PPP2R2C: variants seen among roughly 807,000 people sequenced by gnomAD.
PPP2R2C encodes the protein protein phosphatase 2, regulatory subunit B, gamma.
In PPP2R2C, 10 loss-of-function variants were observed where a neutral mutation model predicts 45.3. That is an observed-to-expected ratio of 0.22 (90% CI 0.14 to 0.37). PPP2R2C has a LOEUF of 0.37. PPP2R2C is among the 10% of genes least tolerant of loss of function. The pLI is 1.00. For synonymous variants in PPP2R2C, 257 were observed against 245.4 expected, an observed-to-expected ratio of 1.05 and a Z score of -0.44; for missense variants, 308 against 619.7, an observed-to-expected ratio of 0.50 and a Z score of 5.34.
chr4:6,346,560 T>C (rs920029409), intron 6 of PPP2R2C, among the ~76,000 whole-genome samples: 1 of 152,150 alleles, frequency 6.6e-6, no homozygotes, highest in African/African-American at 2.4e-5. Context: ...ACGGTGGGCC[T>C]CTGCTGCACA....
chr4:6,483,691 C>T (rs1480577291), intron 2 of PPP2R2C, among the ~76,000 whole-genome samples: 1 of 152,082 alleles, frequency 6.6e-6, no homozygotes, highest in African/African-American at 2.4e-5. Flanking sequence ...ATTTATCAGA[C>T]ACGTGCTTTA....
At chr4:6,343,923 T>C (rs547762393) in intron 6 of PPP2R2C, among the ~76,000 whole-genome samples, 53 of 152,362 alleles carry the variant, frequency 3.5e-4, no homozygotes, top group African/African-American at 1.3e-3. Context: ...CCTATGACTG[T>C]GTGTGCAAAA....
intron 1 of PPP2R2C, among the ~76,000 whole-genome samples, chr4:6,405,917 T>C (rs1669403785): frequency 6.6e-6 from 1 of 152,212 alleles, no homozygotes; most frequent in South Asian, 2.1e-4. Flanking sequence ...GGCATTTGGC[T>C]CGATACTTTG....
chr4:6,397,162 G>A (rs16838719), intron 1 of PPP2R2C, among the ~76,000 whole-genome samples: 5,075 of 152,280 alleles, frequency 0.033, 275 homozygotes, highest in African/African-American at 0.11. Flanking sequence ...TGTAAGAGAA[G>A]CGTGGCCCTT....
intron 6 of PPP2R2C, 57 bp downstream of exon 6, chr4:6,347,789 T>TGCCCC: frequency 7.7e-6 from 8 of 1,033,614 alleles, no homozygotes; most frequent in South Asian, 1.4e-5. Flanking sequence ...GGACAGGACA[T>TGCCCC]CCCACCCGCC....
intron 1 of PPP2R2C, among the ~76,000 whole-genome samples, chr4:6,440,166 G>A (rs773334023): frequency 6.6e-6 from 1 of 152,172 alleles, no homozygotes; most frequent in Non-Finnish European, 1.5e-5. Flanking sequence ...TGACCATAGG[G>A]ACCAAGCCAT....
At position 6,329,394 on chromosome 4, in the gene PPP2R2C, G is replaced by A. The variant is rs373967679; in HGVS notation, c.961-41C>T. The A allele has an allele frequency of 2.2e-4, 334 of 1,542,012 alleles. No individual in the cohort carries two copies. Among genetic ancestry groups the A allele is most frequent in the Non-Finnish European group, 2.8e-4 (314 of 1,115,560 alleles). On this transcript the variant is annotated intron_variant, in intron 7 of 8. Coordinates refer to ENST00000382599, the MANE Select transcript of PPP2R2C (RefSeq NM_020416.4). The surrounding 1 kb of genome is among the most constrained non-coding windows in gnomAD (Gnocchi z 5.8). ...ATGAGGTGAGTGGACGGGGCGTCCC[G>A]ACCATCCTGGCCCTTCCACAAGAAG...
chr4:6,403,754 T>G (rs1001558666), intron 1 of PPP2R2C, among the ~76,000 whole-genome samples: 1 of 151,570 alleles, frequency 6.6e-6, no homozygotes, highest in Non-Finnish European at 1.5e-5. Context: ...TCCCAGCTAC[T>G]CAGGAGGCTG....
At chr4:6,420,498 G>A (rs1553897063) in intron 1 of PPP2R2C, among the ~76,000 whole-genome samples, 1 of 152,140 alleles carries the variant, frequency 6.6e-6, no homozygotes, top group Non-Finnish European at 1.5e-5. Flanking sequence ...CCCGCCTTGC[G>A]AGTCCGGAGG....
chr4:6,431,594 C>A (rs550580148), intron 1 of PPP2R2C, among the ~76,000 whole-genome samples: 4 of 152,214 alleles, frequency 2.6e-5, no homozygotes, highest in African/African-American at 4.8e-5. Flanking sequence ...CAGAGCCCCC[C>A]CTTCCCTGGC....
chr4:6,431,750 C>T (rs1280972594), intron 1 of PPP2R2C, among the ~76,000 whole-genome samples: 3 of 152,226 alleles, frequency 2.0e-5, no homozygotes, highest in African/African-American at 7.2e-5. Context: ...GACCCCAACC[C>T]TGCCTCTGAT....
At chr4:6,370,922 G>T (rs1714766226) in intron 5 of PPP2R2C, among the ~76,000 whole-genome samples, 1 of 152,180 alleles carries the variant, frequency 6.6e-6, no homozygotes, top group South Asian at 2.1e-4. Context: ...AGCAGCTCAG[G>T]TCCCAATCCT....
chr4:6,450,520 T>G (rs1306386771), intron 1 of PPP2R2C, among the ~76,000 whole-genome samples: 2 of 149,752 alleles, frequency 1.3e-5, no homozygotes, highest in East Asian at 2.0e-4. Context: ...GCTCGGGGGG[T>G]TCCAGCCCCG....
chr4:6,554,862 AAAAAAAAAAAAG>A (rs1725311372), intron 1 of PPP2R2C, among the ~76,000 whole-genome samples: 1 of 149,230 alleles, frequency 6.7e-6, no homozygotes, highest in Non-Finnish European at 1.5e-5. Flanking sequence ...TCCATCTCAA[AAAAAAAAAAAAG>A]AAAAAGAAAA....
At chr4:6,486,047 A>G (rs150580438) in intron 2 of PPP2R2C, among the ~76,000 whole-genome samples, 208 of 152,132 alleles carry the variant, frequency 1.4e-3, no homozygotes, top group African/African-American at 4.8e-3. Context: ...CCCTCTAAGT[A>G]TGGTTTTAGC....
At chr4:6,383,141 T>C in intron 1 of PPP2R2C, 6 of 1,151,886 alleles carry the variant, frequency 5.2e-6, no homozygotes, top group Non-Finnish European at 6.5e-6. Flanking sequence ...GTACTGGGGG[T>C]TGCCATCAAC....
intron 1 of PPP2R2C, among the ~76,000 whole-genome samples, chr4:6,444,756 G>A (rs781160726): frequency 5.3e-5 from 8 of 152,206 alleles, no homozygotes; most frequent in Non-Finnish European, 1.0e-4. Context: ...CAGGCAGATG[G>A]CTCTACTCTC....
intron 5 of PPP2R2C, chr4:6,348,557 G>A (rs151104338): frequency 2.4e-6 from 2 of 826,710 alleles, no homozygotes; most frequent in African/African-American, 3.7e-5. Context: ...ACAGTATGGA[G>A]ATTCTCCTTT....
At chr4:6,334,181 T>G (rs1732645689) in intron 6 of PPP2R2C, among the ~76,000 whole-genome samples, 1 of 152,314 alleles carries the variant, frequency 6.6e-6, no homozygotes, top group African/African-American at 2.4e-5. Flanking sequence ...CCCTGGGACC[T>G]TGGGCCAGTA....
Sources: gnomAD v4.1 joint callset for allele counts (sites outside exome capture counted in the v4.1 genomes callset) on GRCh38, gnomAD v4.1.1 for gene constraint, Gnocchi (gnomAD v3.1) non-coding constraint, MANE v1.5 for transcripts, NCBI Gene and HGNC (gene_info 2026-07-23, HGNC 2026-07-21) for gene names.